The following ALDH8A1 variants were observed in gnomAD, a reference collection of about 807,000 sequenced individuals.
The protein encoded by ALDH8A1 is aldehyde dehydrogenase 8 family member A1, also known as 2-aminomuconic semialdehyde dehydrogenase.
A neutral mutation model predicts 43.3 loss-of-function variants in ALDH8A1; 39 were observed. The observed-to-expected ratio is 0.90, with a 90% CI of 0.70 to 1.18. The LOEUF is 1.18. Among genes scored for constraint, ALDH8A1 ranks in the 50% most tolerant of loss-of-function variants. The pLI is 0.00. For missense variants in ALDH8A1, 605 were observed against 622.6 expected (o/e 0.97, Z 0.30); for synonymous variants, 233 against 243.5 (o/e 0.96, Z 0.40).
chr6:134,940,242 TA>T (rs1025093762), intron 3 of ALDH8A1: 2 of 349,772 alleles, frequency 5.7e-6, no homozygotes, highest in South Asian at 2.2e-5. Flanking sequence ...AAATAAAAAA[TA>T]AAAAAACAGT....
At chr6:134,944,392 A>AAT (rs1773916626) in intron 1 of ALDH8A1, among the ~76,000 whole-genome samples, 1 of 152,072 alleles carries the variant, frequency 6.6e-6, no homozygotes, top group Admixed American at 6.5e-5. Flanking sequence ...AATATTCAAC[A>AAT]TGTCCCAGTG....
At chr6:134,943,055 T>G (rs1773885704) in intron 2 of ALDH8A1, among the ~76,000 whole-genome samples, 1 of 152,206 alleles carries the variant, frequency 6.6e-6, no homozygotes, top group Non-Finnish European at 1.5e-5. Context: ...GGATGCTGTG[T>G]GGCACCTGCT....
At chr6:134,929,274 C>T (rs1176446957) in intron 5 of ALDH8A1, 59 bp from the exon 6 acceptor site, 52 of 1,569,426 alleles carry the variant, frequency 3.3e-5, no homozygotes, top group Non-Finnish European at 4.2e-5. Flanking sequence ...GATAGAGCAC[C>T]CTGCACTTTT....
At position 134,918,232 on chromosome 6, in the gene ALDH8A1, T is replaced by C; in HGVS notation, c.*183A>G. 3.3e-6 allele frequency: 2 copies of C among 605,750 alleles called. No homozygotes were observed. Among genetic ancestry groups the C allele is most frequent in the Non-Finnish European group, 5.7e-6 (2 of 350,724 alleles). 37.5% of individuals were successfully genotyped at this position (605,750 alleles called of 1,614,324 possible). On this transcript the variant is annotated 3_prime_UTR_variant, in exon 7 of 7. Coordinates refer to ENST00000265605, the MANE Select transcript of ALDH8A1 (RefSeq NM_022568.4). ...ATAAGTCTTTTTTTCCGAGTCCACA[T>C]TGAAAATAGACAGTATCTCTTCACT...
At chr6:134,926,202 C>CTTTTTTTTTTT (rs749949919) in intron 6 of ALDH8A1, among the ~76,000 whole-genome samples, 1 of 93,738 alleles carries the variant, frequency 1.1e-5, no homozygotes, top group Admixed American at 1.2e-4. Flanking sequence ...CAGGACCCTT[C>CTTTTTTTTTTT]TTTTTTTTTT....
chr6:134,945,599 C>T (rs923828409), intron 1 of ALDH8A1, among the ~76,000 whole-genome samples: 37 of 152,132 alleles, frequency 2.4e-4, no homozygotes, highest in Non-Finnish European at 5.0e-4. Context: ...CCATGTCTCA[C>T]TCCTCTCCTT....
chr6:134,934,657 C>A (rs1417569238), intron 4 of ALDH8A1, among the ~76,000 whole-genome samples: 1 of 152,164 alleles, frequency 6.6e-6, no homozygotes, highest in Non-Finnish European at 1.5e-5. Context: ...CATCATAACA[C>A]TGTTATATAA....
chr6:134,928,866 G>A (rs774545022), intron 6 of ALDH8A1, among the ~76,000 whole-genome samples, 188 bp downstream of exon 6: 18 of 152,242 alleles, frequency 1.2e-4, no homozygotes, highest in South Asian at 2.1e-4. Context: ...CACTTTCACC[G>A]GGACTGCATT....
intron 3 of ALDH8A1, chr6:134,940,229 A>C: frequency 8.5e-6 from 3 of 351,782 alleles, no homozygotes; most frequent in Non-Finnish European, 1.1e-5. Flanking sequence ...GAACTTCAAA[A>C]AAAAATAAAA....
Position 134,942,167 on chromosome 6 carries a change from C to T in ALDH8A1, c.442+242G>A, listed in dbSNP as rs191304233. The T allele has an allele frequency of 1.2e-4, 37 of 297,258 alleles. 1 individual carries two copies. Among genetic ancestry groups the T allele is most frequent in the African/African-American group, 6.9e-4 (32 of 46,250 alleles). The allele number at this position is 297,258 out of a possible 1,614,324, so 18.4% of individuals were successfully genotyped here. A position where few individuals can be genotyped will look rare whatever the true frequency, so the allele number is the denominator to read the frequency against. On this transcript the variant is annotated intron_variant, in intron 3 of 6. Transcript: ENST00000265605. ...TCCGGGAAGCAGAGGTTGCAGTGAG[C>T]CGAGATCATGCCACTGCACTCCAGC...
rs892146162 is a variant in ALDH8A1, at chr6:134,944,109, C to G, written c.139-143G>C. 30 of 1,210,038 alleles carry G rather than the reference C, an allele frequency of 2.5e-5. No individual in the cohort carries two copies. The African/African-American group carries it at 4.0e-4, about 16-fold the overall frequency. The allele number at this position is 1,210,038 out of a possible 1,614,324, so 75.0% of individuals were successfully genotyped here. ...TTTAGATGGATTCTCACTCTGTAGC[C>G]CAGCCTGGAGGGCAGTGGCGCAATT... On this transcript the variant is annotated intron_variant, in intron 1 of 6. Coordinates refer to ENST00000265605, the MANE Select transcript of ALDH8A1 (RefSeq NM_022568.4).
At chr6:134,949,608 C>G (rs557403714) in intron 1 of ALDH8A1, among the ~76,000 whole-genome samples, 1 of 151,988 alleles carries the variant, frequency 6.6e-6, no homozygotes, top group South Asian at 2.1e-4. Flanking sequence ...AAAGTGATAG[C>G]TCTTACAAAT....
rs781744419 is a variant in ALDH8A1 at position 134,942,427 on chromosome 6, G to A, written c.424C>T (p.Arg142Trp). The A allele has an allele frequency of 3.0e-5, 48 of 1,613,100 alleles. No homozygotes were observed. The South Asian group carries it at 3.8e-4, about 13-fold the overall frequency. ...CACTCACCGACTCCCACCGGGGCCC[G>A]CACCGTGTAGTGCATGCAGCCCAGG... Reference protein sequence around the residue: ...DHLGCMHYTVRAPVGVAGLIS... With the variant: ...DHLGCMHYTVWAPVGVAGLIS... The change falls in exon 3 of 7, where the codon CGG becomes TGG. Residue 142 changes from arginine (R) to tryptophan (W), a missense_variant. By Grantham distance (101) the Arg-to-Trp change is moderately radical. Transcript: ENST00000265605.
At chr6:134,945,987 C>T (rs891173485) in intron 1 of ALDH8A1, among the ~76,000 whole-genome samples, 3 of 152,196 alleles carry the variant, frequency 2.0e-5, no homozygotes, top group Non-Finnish European at 4.4e-5. Context: ...GGCCTTCACA[C>T]GCTGTCTCGC....
intron 3 of ALDH8A1, among the ~76,000 whole-genome samples, chr6:134,942,009 C>G (rs985058413): frequency 3.3e-5 from 5 of 151,934 alleles, no homozygotes; most frequent in African/African-American, 1.2e-4. Flanking sequence ...AACTTGAGGT[C>G]AGGAGTTTGA....
chr6:134,949,498 G>A (rs377705281), intron 1 of ALDH8A1, among the ~76,000 whole-genome samples: 7 of 152,084 alleles, frequency 4.6e-5, no homozygotes, highest in Admixed American at 2.0e-4. Context: ...ACAGTTTTTT[G>A]CTTGTTTGTT....
chr6:134,918,641 T>C lies in ALDH8A1; in HGVS notation c.1238A>G (p.Asn413Ser), dbSNP rs777224535. ...DSEEEVIERA[N>S]NVKYGLAATV... ...AGCCGCCAGCCCATACTTAACGTTG[T>C]TGGCTCTTTCAATCACCTCCTCTTC... Residue 413 changes from asparagine to serine, a missense_variant, in exon 7 of 7, where the codon AAC becomes AGC. Physicochemically the swap from Asn to Ser is conservative, Grantham distance 46. Transcript: ENST00000265605. 2 of 1,614,210 alleles carry C rather than the reference T, an allele frequency of 1.2e-6. No homozygotes were observed. Among genetic ancestry groups the C allele is most frequent in the Non-Finnish European group, 1.7e-6 (2 of 1,180,030 alleles).
chr6:134,946,774 A>G (rs947068168), intron 1 of ALDH8A1, among the ~76,000 whole-genome samples: 1 of 149,582 alleles, frequency 6.7e-6, no homozygotes, highest in African/African-American at 2.6e-5. Context: ...ACAGGTGCGC[A>G]TGTGTGCGCG....
At chr6:134,937,679 G>A (rs1464012572) in intron 4 of ALDH8A1, among the ~76,000 whole-genome samples, 2 of 152,190 alleles carry the variant, frequency 1.3e-5, no homozygotes, top group East Asian at 1.9e-4. Flanking sequence ...TCCCAGTAGA[G>A]GGCAAGCCCC....
Sources: gnomAD v4.1 joint callset for allele counts (sites outside exome capture counted in the v4.1 genomes callset) on GRCh38, gnomAD v4.1.1 for gene constraint, MANE v1.5 for transcripts, NCBI Gene and HGNC (gene_info 2026-07-23, HGNC 2026-07-21) for gene names.